CEP85L: variants seen among roughly 807,000 people sequenced by gnomAD.
The protein encoded by CEP85L is centrosomal protein 85L.
A neutral mutation model predicts 100.3 loss-of-function variants in CEP85L; 60 were observed. The observed-to-expected ratio is 0.60, with a 90% confidence interval of 0.49 to 0.74. The LOEUF (loss-of-function observed/expected upper bound fraction) is 0.74, where lower values mean the gene tolerates loss of function less well. Among genes scored for constraint, CEP85L ranks in the 30% least tolerant of loss-of-function variants. CEP85L has a pLI of 0.00. For synonymous variants in CEP85L, 319 were observed against 322.7 expected (o/e 0.99, Z 0.12); for missense variants, 973 against 936.2 (o/e 1.04, Z -0.51).
intron 1 of CEP85L, among the ~76,000 whole-genome samples, chr6:118,658,479 T>C (rs1775869428): frequency 6.6e-6 from 1 of 152,198 alleles, no homozygotes; most frequent in South Asian, 2.1e-4. Context: ...TACTTTGTCC[T>C]GCCGTCCTTA....
At chr6:118,502,449 G>A (rs1317121811) in intron 5 of CEP85L, 4 of 519,516 alleles carry the variant, frequency 7.7e-6, no homozygotes, top group South Asian at 1.6e-5. Context: ...ATCACCTGAC[G>A]ATGAAGGCCA....
intron 3 of CEP85L, among the ~76,000 whole-genome samples, chr6:118,564,141 C>T (rs1779373145): frequency 6.9e-6 from 1 of 144,726 alleles, no homozygotes; most frequent in South Asian, 2.2e-4. Context: ...CTCTGCATTG[C>T]TTTGAGGCTA....
chr6:118,688,607 A>C (rs917445034), intron 1 of CEP85L, among the ~76,000 whole-genome samples: 1 of 152,218 alleles, frequency 6.6e-6, no homozygotes, highest in Non-Finnish European at 1.5e-5. Context: ...AACCTTTTGC[A>C]GTCTTATCAG....
At chr6:118,634,275 A>G (rs1432828157) in intron 1 of CEP85L, among the ~76,000 whole-genome samples, 2 of 152,188 alleles carry the variant, frequency 1.3e-5, no homozygotes, top group Admixed American at 1.3e-4. Context: ...CACTTTTAGG[A>G]TTAGTTGTTC....
chr6:118,657,311 G>A (rs1452099533), upstream of CEP85L, among the ~76,000 whole-genome samples: 2 of 152,114 alleles, frequency 1.3e-5, no homozygotes, highest in Admixed American at 1.3e-4. Context: ...CTGAACAGCA[G>A]AGAAAGGCAG....
chr6:118,663,049 T>TAA (rs58082624), intron 1 of CEP85L, among the ~76,000 whole-genome samples: 1 of 144,602 alleles, frequency 6.9e-6, no homozygotes, highest in East Asian at 2.0e-4. Flanking sequence ...ATTTTCATGG[T>TAA]AAAAAAAAAA....
At position 118,566,335 on chromosome 6, in the gene CEP85L, G is replaced by C. The variant is rs1231886220; in HGVS notation, c.233-19C>G. ...GAATGATCTGGAAAGAAAAAAGATG[G>C]TCAAATTAGTTACAATTAACAGACA... On this transcript the variant is annotated intron_variant, in intron 2 of 12. Transcript: ENST00000368491. 1.9e-6 allele frequency: 3 copies of C among 1,581,492 alleles called. No individual in the cohort carries two copies. In the East Asian group the frequency reaches 6.7e-5, roughly 35 times the overall value.
At chr6:118,625,031 G>A (rs1773693703) in intron 2 of CEP85L, among the ~76,000 whole-genome samples, 2 of 152,146 alleles carry the variant, frequency 1.3e-5, no homozygotes, top group South Asian at 4.1e-4. Context: ...TGTCCCAGTA[G>A]TCCCTGTCCC....
chr6:118,496,356 T>TTTTTTTTTTA, intron 5 of CEP85L, among the ~76,000 whole-genome samples: 1 of 139,528 alleles, frequency 7.2e-6, no homozygotes, highest in East Asian at 2.0e-4. Flanking sequence ...TATTTTATAT[T>TTTTTTTTTTA]TTTTATTTTA....
intron 1 of CEP85L, among the ~76,000 whole-genome samples, chr6:118,674,122 A>G (rs1776401405): frequency 6.6e-6 from 1 of 152,266 alleles, no homozygotes; most frequent in Admixed American, 6.5e-5. Context: ...CTTAGATATG[A>G]CACCAAAAAC....
At chr6:118,578,384 G>T (rs745454289) in intron 2 of CEP85L, among the ~76,000 whole-genome samples, 26 of 152,158 alleles carry the variant, frequency 1.7e-4, no homozygotes, top group South Asian at 2.1e-4. Context: ...TAGATTGTTT[G>T]GTCCAACCCT....
At chr6:118,641,804 C>T (rs1487230920) in intron 1 of CEP85L, among the ~76,000 whole-genome samples, 1 of 145,674 alleles carries the variant, frequency 6.9e-6, no homozygotes, top group African/African-American at 2.6e-5. Context: ...CCCATGCACA[C>T]ACTTCAACAT....
chr6:118,704,380 T>C (rs189442305), intron 1 of CEP85L, among the ~76,000 whole-genome samples: 49 of 152,364 alleles, frequency 3.2e-4, no homozygotes, highest in African/African-American at 1.1e-3. Flanking sequence ...CTCAACAGAC[T>C]GGTGGCCTGG....
At chr6:118,545,348 G>C (rs902377439) in intron 3 of CEP85L, among the ~76,000 whole-genome samples, 1 of 152,212 alleles carries the variant, frequency 6.6e-6, no homozygotes, top group East Asian at 1.9e-4. Flanking sequence ...CCAGCACTTT[G>C]GGAGGCCGAG....
chr6:118,556,512 G>A (rs995241076), intron 3 of CEP85L, among the ~76,000 whole-genome samples: 1 of 152,072 alleles, frequency 6.6e-6, no homozygotes, highest in East Asian at 1.9e-4. Context: ...AGTAAATGCC[G>A]GGTTCTAACT....
intron 2 of CEP85L, among the ~76,000 whole-genome samples, chr6:118,568,446 A>G (rs1406177237): frequency 1.3e-5 from 2 of 152,338 alleles, no homozygotes; most frequent in Non-Finnish European, 1.5e-5. Context: ...ATGTGGCTGT[A>G]TAACAAGAAA....
chr6:118,556,656 G>C (rs1224093424), intron 3 of CEP85L, among the ~76,000 whole-genome samples: 1 of 152,110 alleles, frequency 6.6e-6, no homozygotes, highest in East Asian at 1.9e-4. Context: ...AAGGACTTAG[G>C]AGAAAATAAA....
intron 5 of CEP85L, among the ~76,000 whole-genome samples, chr6:118,504,660 A>G (rs1037685605): frequency 6.6e-6 from 1 of 152,192 alleles, no homozygotes; most frequent in African/African-American, 2.4e-5. Context: ...AATCAAACCC[A>G]GGGAGGGAGT....
intron 2 of CEP85L, among the ~76,000 whole-genome samples, chr6:118,631,102 T>C (rs1289800579): frequency 6.6e-6 from 1 of 152,136 alleles, no homozygotes; most frequent in Non-Finnish European, 1.5e-5. Context: ...GTTTTATCAA[T>C]TGTAACAAAT....
Sources: gnomAD v4.1 joint callset for allele counts (sites outside exome capture counted in the v4.1 genomes callset) on GRCh38, gnomAD v4.1.1 for gene constraint, MANE v1.5 for transcripts, NCBI Gene and HGNC (gene_info 2026-07-23, HGNC 2026-07-21) for gene names.